The following DYM variants were observed in gnomAD, a reference collection of about 807,000 sequenced individuals.
DYM encodes the protein dymeclin, also known as dyggve-Melchior-Clausen syndrome protein.
A neutral mutation model predicts 93.1 loss-of-function variants in DYM; 78 were observed. The ratio of observed to expected loss-of-function variants is 0.84; its 90% CI spans 0.70 to 1.01. DYM has a LOEUF of 1.01. Among genes scored for constraint, DYM ranks in the 50% least tolerant of loss-of-function variants. DYM has a pLI of 0.00. For synonymous variants in DYM, 321 were observed against 319.7 expected (o/e 1.00, Z -0.04); for missense variants, 789 against 845.0 (o/e 0.93, Z 0.82).
At chr18:49,432,680 T>C (rs1169950700) in intron 1 of DYM, among the ~76,000 whole-genome samples, 6 of 150,398 alleles carry the variant, frequency 4.0e-5, no homozygotes, top group Non-Finnish European at 7.4e-5. Flanking sequence ...GGCGTGATTA[T>C]AGCTCATTGT....
intron 9 of DYM, among the ~76,000 whole-genome samples, chr18:49,283,342 C>T (rs1280355443): frequency 1.3e-5 from 2 of 152,002 alleles, no homozygotes; most frequent in South Asian, 4.1e-4. Context: ...GAGACAACTA[C>T]CAGAAAACTT....
chr18:49,106,737 ACT>A (rs1226437458), intron 16 of DYM, among the ~76,000 whole-genome samples: 1 of 152,000 alleles, frequency 6.6e-6, no homozygotes, highest in African/African-American at 2.4e-5. Context: ...ATTGGCCCCC[ACT>A]CTCTTCTGGC....
Position 49,311,765 on chromosome 18 carries a change from T to C in DYM, c.763+20099A>G, listed in dbSNP as rs1230149190. ...GGGGGAGGTATAGCATTAGGAGATA[T>C]ACCTAATGTAAATGATGGGTTAACG... On this transcript the variant is annotated intron_variant, in intron 8 of 17. Coordinates refer to ENST00000675505, the MANE Select transcript of DYM (RefSeq NM_001353214.3). Among the ~76,000 whole-genome samples, 5 of 148,752 alleles carry C rather than the reference T, an allele frequency of 3.4e-5. 1 individual carries two copies. In the South Asian group the frequency reaches 6.6e-4, roughly 20 times the overall value.
In DYM at chr18:49,348,060, T is replaced by C. The variant is rs114135973; in HGVS notation, c.495-14207A>G. 9.9e-3 allele frequency among the ~76,000 whole-genome samples: 1,514 copies of C among 152,312 alleles called. 23 individuals carry two copies. The highest frequency in any genetic ancestry group is 0.035 in the African/African-American group (1,448 of 41,562). On this transcript the variant is annotated intron_variant, in intron 6 of 17. Transcript: ENST00000675505. ...AGAGACAGGCGCCATGACCCTGCAC[T>C]GCACTGCTAGGGCACAGTGGAACAC... is the stretch of plus-strand genomic sequence containing the variant.
intron 15 of DYM, among the ~76,000 whole-genome samples, chr18:49,126,810 C>T (rs11082733): frequency 0.14 from 21,754 of 152,074 alleles, 1,947 homozygotes; most frequent in East Asian, 0.23. Context: ...TAGCTTTAGA[C>T]ATTATCATAA....
intron 13 of DYM, among the ~76,000 whole-genome samples, chr18:49,216,960 T>G (rs2093086943): frequency 6.6e-6 from 1 of 152,274 alleles, no homozygotes; most frequent in South Asian, 2.1e-4. Context: ...TACTCCGAGC[T>G]ACAGGAGGAA....
At chr18:49,426,452 G>C (rs192229627) in intron 2 of DYM, among the ~76,000 whole-genome samples, 2 of 150,768 alleles carry the variant, frequency 1.3e-5, no homozygotes, top group Admixed American at 6.6e-5. Flanking sequence ...TGTAAATGAC[G>C]AGTTAATGGG....
rs905459177 is a variant in DYM at position 49,454,099 on chromosome 18, T to A, written c.-54+6299A>T. 5.3e-5 allele frequency among the ~76,000 whole-genome samples: 8 copies of A among 152,260 alleles called. No individual in the cohort carries two copies. In the South Asian group the frequency reaches 1.5e-3, roughly 28 times the overall value. ...TGCCTTTCTTCCAAGGACCCTTAGA[T>A]TGACCCCAGGAGGAGCCCTAGCTGC... On this transcript the variant is annotated intron_variant, in intron 1 of 17. Transcript: ENST00000675505.
chr18:49,145,135 A>ATATATATATATATATATATATAT (rs1555778611), intron 15 of DYM, among the ~76,000 whole-genome samples: 1 of 9,386 alleles, frequency 1.1e-4, no homozygotes, highest in Non-Finnish European at 3.2e-4. Context: ...ATATATATAT[A>ATATATATATATATATATATATAT]ATTTATATAT....
chr18:49,253,633 T>C (rs2094333964), intron 13 of DYM, among the ~76,000 whole-genome samples: 1 of 152,144 alleles, frequency 6.6e-6, no homozygotes, highest in East Asian at 1.9e-4. Flanking sequence ...GACACGATGC[T>C]CTGGTCCGCA....
At chr18:49,104,133 T>C (rs1408115305) in intron 16 of DYM, among the ~76,000 whole-genome samples, 1 of 152,150 alleles carries the variant, frequency 6.6e-6, no homozygotes, top group Non-Finnish European at 1.5e-5. Flanking sequence ...TTCACATCCC[T>C]TGTAAGTTGG....
At chr18:49,133,658 G>A (rs1279794075) in intron 15 of DYM, among the ~76,000 whole-genome samples, 1 of 152,188 alleles carries the variant, frequency 6.6e-6, no homozygotes, top group Non-Finnish European at 1.5e-5. Flanking sequence ...CTTCAAACCA[G>A]CAATGGCAAG....
At chr18:49,102,193 C>T (rs1279416389) in intron 16 of DYM, among the ~76,000 whole-genome samples, 1 of 152,200 alleles carries the variant, frequency 6.6e-6, no homozygotes, top group East Asian at 1.9e-4. Flanking sequence ...AGAGCTAACG[C>T]TCTGTGAGCA....
At chr18:49,297,165 G>C (rs1001314154) in intron 8 of DYM, among the ~76,000 whole-genome samples, 7 of 152,150 alleles carry the variant, frequency 4.6e-5, no homozygotes, top group African/African-American at 1.7e-4. Context: ...ACACTGATGA[G>C]GGCACTAGGA....
chr18:49,078,482 G>T (rs2077506185), intron 17 of DYM, among the ~76,000 whole-genome samples: 1 of 151,828 alleles, frequency 6.6e-6, no homozygotes, highest in Non-Finnish European at 1.5e-5. Flanking sequence ...ATATACTATA[G>T]TTGTTATATA....
chr18:49,286,566 C>G lies in DYM; in HGVS notation c.814G>C (p.Ala272Pro), dbSNP rs1568173731. The G allele has an allele frequency of 1.2e-6, 2 of 1,613,968 alleles. No individual in the cohort carries two copies. Among genetic ancestry groups the G allele is most frequent in the Non-Finnish European group, 1.7e-6 (2 of 1,179,998 alleles). ...AGAGGGGAAGAAAGCTCTGGAGAGG[C>G]AGCCGCTTTGCTGCCCACACCACCT... Reference protein sequence around the residue: ...TLGGVGSKAAASPELSSPLAN... With the variant: ...TLGGVGSKAAPSPELSSPLAN... The change falls in exon 9 of 18, where the codon GCC becomes CCC. Residue 272 changes from alanine (A) to proline (P), a missense_variant. By Grantham distance (27) the Ala-to-Pro change is conservative (BLOSUM62 -1). This residue lies in a region of DYM where 450 missense variants were observed against 436.2 expected (regional missense o/e 1.03). Transcript: ENST00000675505.
intron 1 of DYM, among the ~76,000 whole-genome samples, chr18:49,440,390 T>C (rs1355896352): frequency 2.4e-5 from 3 of 123,350 alleles, no homozygotes; most frequent in African/African-American, 1.0e-4. Flanking sequence ...ATATATGATA[T>C]ATAATATAGC....
chr18:49,402,174 A>G (rs1195371692), intron 2 of DYM, among the ~76,000 whole-genome samples: 1 of 152,176 alleles, frequency 6.6e-6, no homozygotes, highest in African/African-American at 2.4e-5. Flanking sequence ...CATCAACCTC[A>G]ACCTCACACC....
At chr18:49,053,188 A>G (rs1220415070) in intron 17 of DYM, among the ~76,000 whole-genome samples, 1 of 152,204 alleles carries the variant, frequency 6.6e-6, no homozygotes, top group Non-Finnish European at 1.5e-5. Context: ...GAGACAAAGC[A>G]AGGGTCTGGT....
Sources: allele counts gnomAD v4.1 joint callset (sites outside exome capture counted in the v4.1 genomes callset), GRCh38; gene constraint gnomAD v4.1.1; regional missense constraint gnomAD v4.1.1; transcripts MANE v1.5; gene names NCBI Gene and HGNC (gene_info 2026-07-23, HGNC 2026-07-21).